Variants in DRAM1 observed in about 807,000 individuals in gnomAD.
DRAM1 encodes DNA damage-regulated autophagy modulator protein 1.
A neutral mutation model predicts 28.5 loss-of-function variants in DRAM1; 25 were observed. That is an observed-to-expected ratio of 0.88 (90% CI 0.64 to 1.23). The LOEUF (loss-of-function observed/expected upper bound fraction) is 1.23, where lower values mean the gene tolerates loss of function less well. Among genes scored for constraint, DRAM1 ranks in the 50% most tolerant of loss-of-function variants. The pLI, the probability that DRAM1 is intolerant of heterozygous loss-of-function variation, is 0.00. For synonymous variants in DRAM1, 113 were observed against 114.2 expected (o/e 0.99, Z 0.07); for missense variants, 249 against 299.2 (o/e 0.83, Z 1.24).
At chr12:101,888,581 G>A (rs1872974605) in intron 1 of DRAM1, among the ~76,000 whole-genome samples, 1 of 152,130 alleles carries the variant, frequency 6.6e-6, no homozygotes, top group Non-Finnish European at 1.5e-5. Context: ...TGGATGGAGT[G>A]TTGTTCAGCC....
At chr12:101,891,875 A>G (rs1270995266) in intron 1 of DRAM1, among the ~76,000 whole-genome samples, 1 of 152,246 alleles carries the variant, frequency 6.6e-6, no homozygotes. Flanking sequence ...CTGGGAAGCA[A>G]CTGGTTTTGC....
chr12:101,901,859 A>G (rs939050482), intron 3 of DRAM1, among the ~76,000 whole-genome samples: 15 of 125,298 alleles, frequency 1.2e-4, no homozygotes, highest in Admixed American at 1.7e-4. Flanking sequence ...ACAGAGCGAG[A>G]CTCTATCTCA....
At chr12:101,916,310 G>T (rs7963912) in intron 5 of DRAM1, among the ~76,000 whole-genome samples, 1 of 152,270 alleles carries the variant, frequency 6.6e-6, no homozygotes. Flanking sequence ...TCCAGGAGAT[G>T]AAGACCAGTC....
intron 3 of DRAM1, among the ~76,000 whole-genome samples, chr12:101,907,981 C>A (rs1032535842): frequency 6.6e-6 from 1 of 152,096 alleles, no homozygotes; most frequent in Non-Finnish European, 1.5e-5. Context: ...TCCCATGAGC[C>A]CAGGTTCGCT....
At position 101,901,440 on chromosome 12, in the gene DRAM1, T is replaced by C. The variant is rs7295569; in HGVS notation, c.342+7T>C. 0.57 allele frequency: 921,491 copies of C among 1,612,814 alleles called. 271,796 individuals are homozygous for C. Among genetic ancestry groups the C allele is most frequent in the East Asian group, 0.92 (41,287 of 44,856 alleles). ...CATTGTCGCCAATTTTCAGGTATAA[T>C]CTGGAGCTTTTTCAGTTATGAGGAG... On this transcript the variant is annotated splice_region_variant and intron_variant, in intron 3 of 6. Coordinates refer to ENST00000258534, the MANE Select transcript of DRAM1 (RefSeq NM_018370.3).
intron 3 of DRAM1, among the ~76,000 whole-genome samples, chr12:101,906,903 G>A (rs1426580834): frequency 1.3e-5 from 2 of 150,904 alleles, no homozygotes; most frequent in Non-Finnish European, 3.0e-5. Context: ...GGAGCCAAAG[G>A]TGAGGTGCAT....
Position 101,895,186 on chromosome 12 carries a change from G to GTTTTTTTTTTTTTTTTT in DRAM1, c.132-2663_132-2647dup, listed in dbSNP as rs574722379. Among the ~76,000 whole-genome samples the GTTTTTTTTTTTTTTTTT allele has an allele frequency of 3.8e-3, 285 of 75,716 alleles. 29 individuals are homozygous for GTTTTTTTTTTTTTTTTT. Among genetic ancestry groups the GTTTTTTTTTTTTTTTTT allele is most frequent in the African/African-American group, 0.015 (272 of 18,062 alleles). The allele number at this position is 75,716 out of a possible 152,430, so 49.7% of individuals were successfully genotyped here. ...TAATGCTAAATTCGAAACCCTTCAG[G>GTTTTTTTTTTTTTTTTT]TTTTTTTTTTTTTTTTTTTTTTTTT... On this transcript the variant is annotated intron_variant, in intron 1 of 6. Coordinates refer to ENST00000258534, the MANE Select transcript of DRAM1 (RefSeq NM_018370.3).
At chr12:101,914,485 C>T (rs796731845) in intron 5 of DRAM1, among the ~76,000 whole-genome samples, 5,415 of 137,380 alleles carry the variant, frequency 0.039, 421 homozygotes, top group African/African-American at 0.14. Flanking sequence ...TCTTCTTCTT[C>T]TTTTTTTTTT....
chr12:101,907,957 ACCT>A (rs1383841833), intron 3 of DRAM1, among the ~76,000 whole-genome samples: 2 of 151,948 alleles, frequency 1.3e-5, no homozygotes, highest in African/African-American at 4.8e-5. Flanking sequence ...TGTAAGGCAG[ACCT>A]CCTTTCCTTG....
At chr12:101,895,794 ACTC>A (rs1873345613) in intron 1 of DRAM1, among the ~76,000 whole-genome samples, 1 of 148,720 alleles carries the variant, frequency 6.7e-6, no homozygotes, top group Non-Finnish European at 1.5e-5. Flanking sequence ...CTGGTCTTGA[ACTC>A]CTGACCTCGT....
At chr12:101,881,236 T>C (rs948227950) in intron 1 of DRAM1, among the ~76,000 whole-genome samples, 1 of 152,158 alleles carries the variant, frequency 6.6e-6, no homozygotes, top group Non-Finnish European at 1.5e-5. Context: ...ACCGAGACTG[T>C]GCCACTGCAC....
chr12:101,901,254 A>T, intron 2 of DRAM1, 37 bp from the exon 3 acceptor site: 3 of 1,594,444 alleles, frequency 1.9e-6, no homozygotes, highest in Non-Finnish European at 2.6e-6. Flanking sequence ...AAAGACATCA[A>T]ATTATGAACA....
chr12:101,900,811 CAA>C (rs1349037961), intron 2 of DRAM1, among the ~76,000 whole-genome samples: 2 of 151,934 alleles, frequency 1.3e-5, no homozygotes, highest in Non-Finnish European at 2.9e-5. Context: ...TTCAGAAACC[CAA>C]AGATTTATAT....
Position 101,897,531 on chromosome 12 carries a change from T to G in DRAM1, c.132-332T>G, listed in dbSNP as rs951586434. 6.3e-5 allele frequency among the ~76,000 whole-genome samples: 7 copies of G among 111,852 alleles called. No homozygotes were observed. In the East Asian group the frequency reaches 2.3e-3, roughly 37 times the overall value. 73.4% of individuals were successfully genotyped at this position (111,852 alleles called of 152,430 possible). On this transcript the variant is annotated intron_variant, in intron 1 of 6. Coordinates refer to ENST00000258534, the MANE Select transcript of DRAM1 (RefSeq NM_018370.3). ...CATGATTTTAGATCTTTTTTTTTTGTTTTTGTTTTTCTTTTTCAAAGTAGT... is the reference window on the plus strand; with the variant it reads ...CATGATTTTAGATCTTTTTTTTTTGGTTTTGTTTTTCTTTTTCAAAGTAGT...
intron 3 of DRAM1, 61 bp from the exon 4 acceptor site, chr12:101,908,125 C>T: frequency 1.4e-6 from 2 of 1,446,632 alleles, no homozygotes; most frequent in South Asian, 2.7e-5. Context: ...AGTGAGAGTG[C>T]TTGCGGTTCG....
intron 4 of DRAM1, among the ~76,000 whole-genome samples, chr12:101,910,716 T>C (rs1477551930): frequency 6.6e-6 from 1 of 151,574 alleles, no homozygotes; most frequent in African/African-American, 2.4e-5. Context: ...TGAACTCAGG[T>C]GATCCACCCG....
chr12:101,890,387 T>C (rs1220856348), intron 1 of DRAM1, among the ~76,000 whole-genome samples: 1 of 58,834 alleles, frequency 1.7e-5, no homozygotes, highest in Non-Finnish European at 3.0e-5. Context: ...GCCCTATTTT[T>C]TTTGGTCCTT....
intron 1 of DRAM1, among the ~76,000 whole-genome samples, chr12:101,895,830 G>A (rs567212330): frequency 1.3e-4 from 19 of 151,538 alleles, no homozygotes; most frequent in Non-Finnish European, 2.1e-4. Flanking sequence ...TCGGGCTCCC[G>A]TAGTGCTGGG....
intron 1 of DRAM1, among the ~76,000 whole-genome samples, chr12:101,892,086 T>C (rs4764659): frequency 0.64 from 96,965 of 152,066 alleles, 32,537 homozygotes; most frequent in East Asian, 0.91. Flanking sequence ...CCAGAATATG[T>C]GACTTAATAT....
Sources: gnomAD v4.1 joint callset for allele counts (sites outside exome capture counted in the v4.1 genomes callset) on GRCh38, gnomAD v4.1.1 for gene constraint, MANE v1.5 for transcripts, NCBI Gene and HGNC (gene_info 2026-07-23, HGNC 2026-07-21) for gene names.